NOS1AP: variants seen among roughly 807,000 people sequenced by gnomAD.
The protein encoded by NOS1AP is nitric oxide synthase 1 adaptor protein.
Under a neutral mutation model 56.2 loss-of-function variants are expected in NOS1AP, and 21 were observed. The ratio of observed to expected loss-of-function variants is 0.37; its 90% CI spans 0.26 to 0.54. The LOEUF (loss-of-function observed/expected upper bound fraction) is 0.54. NOS1AP is among the 20% of genes least tolerant of loss of function. The pLI, the probability that NOS1AP is intolerant of heterozygous loss-of-function variation, is 0.84. For missense variants in NOS1AP, 522 were observed against 657.8 expected (o/e 0.79, Z 2.26); for synonymous variants, 270 against 274.6 (o/e 0.98, Z 0.17).
At chr1:162,095,521 A>G (rs1207314497) in intron 1 of NOS1AP, among the ~76,000 whole-genome samples, 1 of 152,228 alleles carries the variant, frequency 6.6e-6, no homozygotes, top group African/African-American at 2.4e-5. Context: ...ACTCTGTGGC[A>G]TTAGAATATG....
chr1:162,269,767 T>C (rs1654528989), intron 2 of NOS1AP, among the ~76,000 whole-genome samples: 1 of 152,212 alleles, frequency 6.6e-6, no homozygotes. Context: ...TACCATTTTT[T>C]TTTTCAATTT....
chr1:162,225,702 T>C (rs1652921195), intron 2 of NOS1AP, among the ~76,000 whole-genome samples: 1 of 152,220 alleles, frequency 6.6e-6, no homozygotes, highest in African/African-American at 2.4e-5. Context: ...TAACCTCTGC[T>C]GTTTTGTTCA....
rs1467991388 is a variant in NOS1AP at position 162,367,438 on chromosome 1, G to A, written c.1492G>A (p.Asp498Asn). Reference protein sequence around the residue: ...LNVLQRQELGDGLDDEIAV With the variant: ...LNVLQRQELGNGLDDEIAV ...TGTCCTGCAGAGGCAGGAACTGGGCGACGGCCTGGATGATGAGATCGCCGT... is the reference window on the plus strand; with the variant it reads ...TGTCCTGCAGAGGCAGGAACTGGGCAACGGCCTGGATGATGAGATCGCCGT... Residue 498 changes from aspartate (D) to asparagine (N), a missense_variant, in exon 10 of 10, where the codon GAC becomes AAC. Around this residue, in one of 4 missense-constraint regions of NOS1AP, gnomAD observed 160 missense variants for 180.3 expected, o/e 0.89. Transcript: ENST00000361897. This position sits in a 1 kb window ranked among gnomAD's most constrained non-coding sequence, Gnocchi z 6.5. The A allele has an allele frequency of 2.5e-6, 4 of 1,575,186 alleles. No individual in the cohort carries two copies. The highest frequency in any genetic ancestry group is 3.6e-5 in the Admixed American group (2 of 56,060).
intron 8 of NOS1AP, among the ~76,000 whole-genome samples, chr1:162,357,602 G>T (rs929615136): frequency 6.7e-6 from 1 of 148,626 alleles, no homozygotes; most frequent in African/African-American, 2.4e-5. Flanking sequence ...CCCAGTCTCC[G>T]TGTCTATAAC....
intron 7 of NOS1AP, among the ~76,000 whole-genome samples, chr1:162,355,909 T>C (rs1324610266): frequency 2.6e-5 from 4 of 152,220 alleles, no homozygotes; most frequent in African/African-American, 9.6e-5. Flanking sequence ...GGGTTCCTAA[T>C]GTGATCCAAT....
In NOS1AP at chr1:162,352,308, C is replaced by T. The variant is rs150661978; in HGVS notation, c.596-2879C>T. Among the ~76,000 whole-genome samples, 1,023 of 152,212 alleles carry T rather than the reference C, an allele frequency of 6.7e-3. 5 individuals are homozygous for T. The highest frequency in any genetic ancestry group is 0.025 in the South Asian group (119 of 4,828). On this transcript the variant is annotated intron_variant, in intron 6 of 9. Coordinates refer to ENST00000361897, the MANE Select transcript of NOS1AP (RefSeq NM_014697.3). ...TCCTGAGCTCAGGTGACCCACCCAC[C>T]CCGGCCTCCCAAAGTGCTGGAATTA...
intron 1 of NOS1AP, among the ~76,000 whole-genome samples, chr1:162,145,765 A>G (rs1213064958): frequency 1.3e-5 from 2 of 152,162 alleles, no homozygotes; most frequent in African/African-American, 4.8e-5. Context: ...GTTTCTAGGC[A>G]CGACCAGGGT....
At chr1:162,108,766 A>G (rs933153341) in intron 1 of NOS1AP, among the ~76,000 whole-genome samples, 2 of 152,222 alleles carry the variant, frequency 1.3e-5, no homozygotes, top group Admixed American at 6.5e-5. Flanking sequence ...AAATAAAACT[A>G]TGGGAGTGCA....
intron 6 of NOS1AP, among the ~76,000 whole-genome samples, chr1:162,351,653 G>A (rs556199210): frequency 6.6e-5 from 10 of 151,940 alleles, no homozygotes; most frequent in African/African-American, 1.7e-4. Flanking sequence ...GCCCTTCCTC[G>A]CCCAACTGCA....
chr1:162,284,010 T>A (rs1386108045), intron 2 of NOS1AP, among the ~76,000 whole-genome samples: 1 of 152,244 alleles, frequency 6.6e-6, no homozygotes, highest in Non-Finnish European at 1.5e-5. Flanking sequence ...TCCTGTCCTG[T>A]GGAACACAGA....
chr1:162,080,851 G>T (rs901323204), intron 1 of NOS1AP, among the ~76,000 whole-genome samples: 1 of 152,144 alleles, frequency 6.6e-6, no homozygotes, highest in Non-Finnish European at 1.5e-5. Context: ...ACTGTGCCAA[G>T]CTCTTTCTAT....
At chr1:162,100,327 A>C (rs1370859389) in intron 1 of NOS1AP, among the ~76,000 whole-genome samples, 2 of 152,006 alleles carry the variant, frequency 1.3e-5, no homozygotes, top group African/African-American at 4.8e-5. Context: ...TTGCCATTCT[A>C]ACTGGTGTGA....
intron 1 of NOS1AP, among the ~76,000 whole-genome samples, chr1:162,129,943 T>C (rs1169432840): frequency 6.6e-6 from 1 of 152,246 alleles, no homozygotes; most frequent in East Asian, 1.9e-4. Flanking sequence ...ACTCCCACAG[T>C]AATGAATATG....
At chr1:162,143,893 G>T (rs138691373) in intron 1 of NOS1AP, among the ~76,000 whole-genome samples, 1 of 152,228 alleles carries the variant, frequency 6.6e-6, no homozygotes, top group Non-Finnish European at 1.5e-5. Context: ...TTGGTGCTGC[G>T]CAAAGCTGAG....
intron 2 of NOS1AP, among the ~76,000 whole-genome samples, chr1:162,284,860 A>G (rs1655043569): frequency 1.3e-5 from 2 of 152,210 alleles, no homozygotes; most frequent in Admixed American, 6.5e-5. Context: ...AGTGAAACCA[A>G]CAGGGAGGTG....
In NOS1AP at chr1:162,367,687, G is replaced by T; in HGVS notation, c.*220G>T. On this transcript the variant is annotated 3_prime_UTR_variant, in exon 10 of 10. Transcript: ENST00000361897. This position sits in a 1 kb window ranked among gnomAD's most constrained non-coding sequence, Gnocchi z 6.5. Reference sequence around the variant, plus strand: ...AGGTGAATCAGCTCCTCTCCTACTTGTGACTAGAGGGTGGTGGAGGTAAGG... The same window carrying T: ...AGGTGAATCAGCTCCTCTCCTACTTTTGACTAGAGGGTGGTGGAGGTAAGG... The T allele has an allele frequency of 1.7e-6, 1 of 589,488 alleles. No individual in the cohort carries two copies. Among genetic ancestry groups the T allele is most frequent in the South Asian group, 2.1e-5 (1 of 47,554 alleles). 36.5% of individuals were successfully genotyped at this position (589,488 alleles called of 1,614,324 possible).
At chr1:162,247,772 A>G (rs1653714608) in intron 2 of NOS1AP, among the ~76,000 whole-genome samples, 1 of 152,126 alleles carries the variant, frequency 6.6e-6, no homozygotes, top group Admixed American at 6.6e-5. Context: ...TTCCCTATTG[A>G]AATGTAACTT....
intron 2 of NOS1AP, among the ~76,000 whole-genome samples, chr1:162,267,773 A>G (rs1055098770): frequency 6.6e-6 from 1 of 152,152 alleles, no homozygotes; most frequent in Non-Finnish European, 1.5e-5. Flanking sequence ...TGGAAAATAA[A>G]TAATAAATAA....
chr1:162,239,021 A>C (rs1354770455), intron 2 of NOS1AP, among the ~76,000 whole-genome samples: 4 of 152,262 alleles, frequency 2.6e-5, no homozygotes, highest in African/African-American at 7.2e-5. Context: ...TCTACATTAC[A>C]ATATTAGTGA....
Sources: allele counts gnomAD v4.1 joint callset (sites outside exome capture counted in the v4.1 genomes callset), GRCh38; gene constraint gnomAD v4.1.1; regional missense constraint gnomAD v4.1.1; non-coding constraint Gnocchi (gnomAD v3.1); transcripts MANE v1.5; gene names NCBI Gene and HGNC (gene_info 2026-07-23, HGNC 2026-07-21).